The following CACNA2D2 variants were observed in gnomAD, a reference collection of about 807,000 sequenced individuals.
The protein encoded by CACNA2D2 is voltage-dependent calcium channel subunit alpha-2/delta-2.
In CACNA2D2, 48 loss-of-function variants were observed where a neutral mutation model predicts 166.4. The ratio of observed to expected loss-of-function variants is 0.29; its 90% confidence interval spans 0.23 to 0.37. The LOEUF (loss-of-function observed/expected upper bound fraction) is 0.37, where lower values mean the gene tolerates loss of function less well. CACNA2D2 is among the 10% of genes least tolerant of loss of function. The probability of loss-of-function intolerance (pLI) is 1.00; values close to 1 mark genes in which losing one functional copy is unlikely to be tolerated. For missense variants in CACNA2D2, 1,122 were observed against 1,433.0 expected (o/e 0.78, Z 3.50); for synonymous variants, 561 against 573.7 (o/e 0.98, Z 0.32).
rs76155067 is a variant in CACNA2D2, at chr3:50,363,393, G to A, written c.*1273C>T. 4,803 of 397,670 alleles carry A rather than the reference G, an allele frequency of 0.012. 214 individuals are homozygous for A. Among genetic ancestry groups the A allele is most frequent in the African/African-American group, 0.091 (4,419 of 48,712 alleles). The allele number at this position is 397,670 out of a possible 1,614,324, so 24.6% of individuals were successfully genotyped here. A position where few individuals can be genotyped will look rare whatever the true frequency, so the allele number is the denominator to read the frequency against. ...ATCCCCTTGCCCTCAGTTCCCCACT[G>A]GCCCCCAGGCTGGGATGCCTTTGGG... On this transcript the variant is annotated 3_prime_UTR_variant, in exon 38 of 38. Coordinates refer to ENST00000424201, the MANE Select transcript of CACNA2D2 (RefSeq NM_006030.4).
chr3:50,367,759 G>A lies in CACNA2D2; in HGVS notation c.2234+53C>T. 3 of 1,612,166 alleles carry A rather than the reference G, an allele frequency of 1.9e-6. No homozygotes were observed. Among genetic ancestry groups the A allele is most frequent in the Non-Finnish European group, 2.5e-6 (3 of 1,178,660 alleles). On this transcript the variant is annotated intron_variant, in intron 25 of 37. Transcript: ENST00000424201. The surrounding 1 kb of genome is among the most constrained non-coding windows in gnomAD (Gnocchi z 6.5). ...GCCTGCCTTCTGCTGGGCAGGTCCA[G>A]GGCCTCTGGGCCCATCCTAGCCTTC... is the stretch of plus-strand genomic sequence containing the variant.
chr3:50,497,899 T>C (rs1055809242), intron 1 of CACNA2D2, among the ~76,000 whole-genome samples: 7 of 152,122 alleles, frequency 4.6e-5, no homozygotes, highest in Admixed American at 3.9e-4. Flanking sequence ...TGTAGCTTCT[T>C]GTTTAGACAG....
chr3:50,441,706 C>T (rs1214032947), intron 2 of CACNA2D2, among the ~76,000 whole-genome samples: 2 of 152,260 alleles, frequency 1.3e-5, no homozygotes, highest in African/African-American at 4.8e-5. Flanking sequence ...AAAACTGTGG[C>T]AATCCTGATT....
chr3:50,432,987 T>C (rs1575678177), intron 3 of CACNA2D2, among the ~76,000 whole-genome samples: 2 of 152,330 alleles, frequency 1.3e-5, no homozygotes, highest in South Asian at 4.1e-4. Flanking sequence ...ACTTGCTCAT[T>C]TAAAAAAACT....
At chr3:50,472,690 C>T (rs1209585794) in intron 2 of CACNA2D2, among the ~76,000 whole-genome samples, 2 of 152,158 alleles carry the variant, frequency 1.3e-5, no homozygotes, top group Non-Finnish European at 2.9e-5. Context: ...CAGAAGAGGG[C>T]AGGTTCCTGG....
intron 3 of CACNA2D2, among the ~76,000 whole-genome samples, chr3:50,417,085 C>T (rs1707300248): frequency 6.6e-6 from 1 of 152,192 alleles, no homozygotes; most frequent in African/African-American, 2.4e-5. Flanking sequence ...GTGCCTGAAG[C>T]ATGCCCACAT....
At chr3:50,415,197 G>A (rs1193401970) in intron 3 of CACNA2D2, among the ~76,000 whole-genome samples, 1 of 152,228 alleles carries the variant, frequency 6.6e-6, no homozygotes, top group African/African-American at 2.4e-5. Context: ...GAGGGCACAG[G>A]CTCCGATGTG....
chr3:50,384,631 C>T (rs1422104174), intron 5 of CACNA2D2, among the ~76,000 whole-genome samples: 1 of 152,080 alleles, frequency 6.6e-6, no homozygotes, highest in Non-Finnish European at 1.5e-5. Flanking sequence ...CTCTTCTCCA[C>T]ATTCTTGAAA....
intron 3 of CACNA2D2, among the ~76,000 whole-genome samples, chr3:50,420,476 G>A (rs931045668): frequency 2.0e-5 from 3 of 152,204 alleles, no homozygotes; most frequent in Non-Finnish European, 2.9e-5. Context: ...TCTGCCTGGT[G>A]GCCTGGCTGG....
chr3:50,500,937 G>C (rs949507829), intron 1 of CACNA2D2, among the ~76,000 whole-genome samples: 2 of 152,172 alleles, frequency 1.3e-5, no homozygotes, highest in South Asian at 4.1e-4. Flanking sequence ...AAATCCAGCA[G>C]CTTGTGAAGC....
In CACNA2D2 at chr3:50,376,233, G is replaced by T; in HGVS notation, c.1627-45C>A. The T allele has an allele frequency of 6.3e-7, 1 of 1,592,360 alleles. No individual in the cohort carries two copies. On this transcript the variant is annotated intron_variant, in intron 17 of 37. Transcript: ENST00000424201. The surrounding 1 kb of genome is among the most constrained non-coding windows in gnomAD (Gnocchi z 4.3). ...GCTCAGGGTCTGGAGGGATGGGCTG[G>T]GGTTCCCTGGGCTCCGGAGTTCTTC...
At chr3:50,468,964 G>C (rs1377864897) in intron 2 of CACNA2D2, among the ~76,000 whole-genome samples, 2 of 151,964 alleles carry the variant, frequency 1.3e-5, no homozygotes, top group Non-Finnish European at 2.9e-5. Context: ...AAGTAGCTGG[G>C]ATTACAGGCA....
chr3:50,448,417 G>C (rs757240203), intron 2 of CACNA2D2, among the ~76,000 whole-genome samples: 2 of 152,122 alleles, frequency 1.3e-5, no homozygotes, highest in African/African-American at 4.8e-5. Context: ...GAGTGTATCT[G>C]TACATGTATG....
At chr3:50,369,779 C>T (rs1035580126) in intron 23 of CACNA2D2, among the ~76,000 whole-genome samples, 2 of 152,242 alleles carry the variant, frequency 1.3e-5, no homozygotes, top group African/African-American at 4.8e-5. Flanking sequence ...GGCCCCGTCT[C>T]CTCATCTGAT....
intron 3 of CACNA2D2, among the ~76,000 whole-genome samples, chr3:50,411,467 G>A (rs1302891805): frequency 2.0e-5 from 3 of 152,188 alleles, no homozygotes; most frequent in Non-Finnish European, 4.4e-5. Flanking sequence ...CTCCATTCCA[G>A]ACACAGTGCA....
At chr3:50,484,664 C>G (rs1024468538) in intron 1 of CACNA2D2, among the ~76,000 whole-genome samples, 1 of 152,214 alleles carries the variant, frequency 6.6e-6, no homozygotes, top group East Asian at 1.9e-4. Context: ...AAATTGCACC[C>G]CCCCCAGCAG....
chr3:50,449,763 G>C (rs1445777416), intron 2 of CACNA2D2, among the ~76,000 whole-genome samples: 4 of 152,126 alleles, frequency 2.6e-5, no homozygotes, highest in Admixed American at 6.5e-5. Context: ...GGCCTGGGGC[G>C]GGGGGAGCCT....
Position 50,379,127 on chromosome 3 carries a change from C to T in CACNA2D2, c.1225G>A (p.Asp409Asn), listed in dbSNP as rs1365982951. ...GGCCAATTGTACTTCTCAAAGACGT[C>T]CTGCACGCGGTCCTCACCACCATCC... Reference protein sequence around the residue: ...FTDGGEDRVQDVFEKYNWPNR... With the variant: ...FTDGGEDRVQNVFEKYNWPNR... Residue 409 changes from aspartate to asparagine, a missense_variant, in exon 12 of 38, where the codon GAC becomes AAC. Around this residue, in one of 2 missense-constraint regions of CACNA2D2, gnomAD observed 840 missense variants for 1,166.8 expected, o/e 0.72. Coordinates refer to ENST00000424201, the MANE Select transcript of CACNA2D2 (RefSeq NM_006030.4). The surrounding 1 kb of genome is among the most constrained non-coding windows in gnomAD (Gnocchi z 6.5). 1 of 1,614,006 alleles carries T rather than the reference C, an allele frequency of 6.2e-7. No individual in the cohort carries two copies. Among genetic ancestry groups the T allele is most frequent in the Non-Finnish European group, 8.5e-7 (1 of 1,179,998 alleles).
intron 2 of CACNA2D2, among the ~76,000 whole-genome samples, chr3:50,473,462 G>A (rs1319100738): frequency 2.0e-5 from 3 of 152,236 alleles, no homozygotes; most frequent in Non-Finnish European, 4.4e-5. Flanking sequence ...CACCCCAGCT[G>A]TTTGGGGGCA....
Sources: gnomAD v4.1 joint callset for allele counts (sites outside exome capture counted in the v4.1 genomes callset) on GRCh38, gnomAD v4.1.1 for gene constraint, gnomAD v4.1.1 regional missense constraint, Gnocchi (gnomAD v3.1) non-coding constraint, MANE v1.5 for transcripts, NCBI Gene and HGNC (gene_info 2026-07-23, HGNC 2026-07-21) for gene names.